Variants in EPYC observed in about 807,000 individuals in gnomAD.
EPYC encodes epiphycan.
In EPYC, 28 loss-of-function variants were observed where a neutral mutation model predicts 30.1. The ratio of observed to expected loss-of-function variants is 0.93; its 90% CI spans 0.69 to 1.28. EPYC has a LOEUF of 1.28. Ranked by LOEUF, EPYC falls within the 50% of genes most tolerant of loss-of-function variation. The pLI is 0.00. For missense variants in EPYC, 382 were observed against 383.5 expected, an observed-to-expected ratio of 1.00 and a Z score of 0.03; for synonymous variants, 144 against 141.4, an observed-to-expected ratio of 1.02 and a Z score of -0.13.
intron 2 of EPYC, among the ~76,000 whole-genome samples, chr12:90,986,588 C>CATATAAACA (rs1294376486): frequency 6.6e-6 from 1 of 152,000 alleles, no homozygotes; most frequent in Admixed American, 6.6e-5. Flanking sequence ...ATTTAATAAC[C>CATATAAACA]ATATAAACAA....
chr12:90,964,645 A>G (rs76011475), intron 6 of EPYC, among the ~76,000 whole-genome samples: 3,801 of 152,188 alleles, frequency 0.025, 159 homozygotes, highest in African/African-American at 0.086. Context: ...TTATCTTTAG[A>G]GGTAACAATT....
At chr12:90,993,591 GTATC>G (rs1877634363) in intron 2 of EPYC, among the ~76,000 whole-genome samples, 1 of 151,900 alleles carries the variant, frequency 6.6e-6, no homozygotes, top group Non-Finnish European at 1.5e-5. Flanking sequence ...CAATTTTGAT[GTATC>G]TATCTGACTC....
intron 6 of EPYC, among the ~76,000 whole-genome samples, chr12:90,967,268 G>A (rs1024885131): frequency 2.0e-5 from 3 of 151,528 alleles, no homozygotes; most frequent in Admixed American, 1.3e-4. Context: ...TGCTGCTTTA[G>A]CTCCATCCCA....
chr12:90,980,433 A>G (rs1877299017), intron 2 of EPYC, among the ~76,000 whole-genome samples: 1 of 152,184 alleles, frequency 6.6e-6, no homozygotes, highest in South Asian at 2.1e-4. Context: ...CATCAGCAAA[A>G]TTGAAGAACC....
At chr12:90,978,790 A>G (rs916911286) in intron 2 of EPYC, among the ~76,000 whole-genome samples, 5 of 152,096 alleles carry the variant, frequency 3.3e-5, no homozygotes, top group Admixed American at 2.0e-4. Context: ...AATGACTTAT[A>G]CTGTCTCTAA....
intron 2 of EPYC, among the ~76,000 whole-genome samples, chr12:90,992,544 A>G (rs1030228889): frequency 6.6e-6 from 1 of 152,186 alleles, no homozygotes; most frequent in African/African-American, 2.4e-5. Flanking sequence ...TGCAGCATCA[A>G]TTGCCAGAAA....
intron 2 of EPYC, among the ~76,000 whole-genome samples, chr12:90,987,753 A>T (rs1217906476): frequency 6.6e-6 from 1 of 152,166 alleles, no homozygotes; most frequent in Non-Finnish European, 1.5e-5. Flanking sequence ...TCCATTGCAC[A>T]ACTCTGAGAA....
chr12:90,976,552 C>G (rs1369792305), intron 3 of EPYC, among the ~76,000 whole-genome samples: 1 of 152,124 alleles, frequency 6.6e-6, no homozygotes, highest in African/African-American at 2.4e-5. Context: ...GTTCCTCTGT[C>G]TGTCCAAGAA....
At chr12:90,970,617 C>T (rs929251491) in intron 5 of EPYC, among the ~76,000 whole-genome samples, 1 of 152,240 alleles carries the variant, frequency 6.6e-6, no homozygotes. Context: ...TAGACAATAG[C>T]TGTTCTACTC....
chr12:90,978,780 A>G (rs1877256852), intron 2 of EPYC, among the ~76,000 whole-genome samples: 1 of 152,126 alleles, frequency 6.6e-6, no homozygotes, highest in Non-Finnish European at 1.5e-5. Flanking sequence ...GTTCCTTACC[A>G]ATGACTTATA....
intron 2 of EPYC, among the ~76,000 whole-genome samples, chr12:90,988,842 C>A (rs1005938500): frequency 6.6e-6 from 1 of 152,028 alleles, no homozygotes; most frequent in Admixed American, 6.6e-5. Context: ...TAGGACTTCA[C>A]CGTTTTCAGC....
intron 2 of EPYC, among the ~76,000 whole-genome samples, chr12:91,001,286 G>A (rs1047967827): frequency 6.6e-6 from 1 of 151,992 alleles, no homozygotes; most frequent in African/African-American, 2.4e-5. Context: ...TTCAATACAA[G>A]TTAAATATAC....
intron 2 of EPYC, among the ~76,000 whole-genome samples, chr12:90,982,774 A>G (rs1026673182): frequency 6.6e-6 from 1 of 152,104 alleles, no homozygotes; most frequent in Admixed American, 6.6e-5. Context: ...TTCACCTAAC[A>G]TAATACTCTC....
chr12:90,976,727 T>G (rs900295639), intron 3 of EPYC, among the ~76,000 whole-genome samples: 2 of 152,148 alleles, frequency 1.3e-5, no homozygotes, highest in Non-Finnish European at 2.9e-5. Flanking sequence ...CATCTTGAAT[T>G]GTAGCTCCCA....
chr12:91,002,355 C>T, intron 2 of EPYC, 46 bp downstream of exon 2: 1 of 1,558,234 alleles, frequency 6.4e-7, no homozygotes, highest in Non-Finnish European at 8.7e-7. Flanking sequence ...CAAGTCATTC[C>T]TCATCCTATG....
At chr12:90,978,427 T>C (rs1877246586) in intron 2 of EPYC, among the ~76,000 whole-genome samples, 165 bp from the exon 3 acceptor site, 1 of 152,042 alleles carries the variant, frequency 6.6e-6, no homozygotes, top group Non-Finnish European at 1.5e-5. Context: ...CACACATGGT[T>C]CTAGTAACTG....
chr12:91,002,366 C>T (rs1015526445), intron 2 of EPYC, 35 bp downstream of exon 2: 2 of 1,588,672 alleles, frequency 1.3e-6, no homozygotes, highest in Non-Finnish European at 1.7e-6. Flanking sequence ...TCATCCTATG[C>T]TTTTTAAAGT....
intron 6 of EPYC, among the ~76,000 whole-genome samples, chr12:90,969,091 A>G (rs554076384): frequency 9.9e-5 from 15 of 151,694 alleles, no homozygotes; most frequent in Admixed American, 7.9e-4. Flanking sequence ...GAAAATATTT[A>G]TATTAATAGG....
intron 2 of EPYC, among the ~76,000 whole-genome samples, chr12:90,990,113 T>G (rs1877547377): frequency 6.6e-6 from 1 of 152,020 alleles, no homozygotes; most frequent in Non-Finnish European, 1.5e-5. Context: ...ACAAAGAAGT[T>G]GGACTGAAAA....
Sources: allele counts gnomAD v4.1 joint callset (sites outside exome capture counted in the v4.1 genomes callset), GRCh38; gene constraint gnomAD v4.1.1; transcripts MANE v1.5; gene names NCBI Gene and HGNC (gene_info 2026-07-23, HGNC 2026-07-21).